AFF1: variants seen among roughly 807,000 people sequenced by gnomAD.
The protein encoded by AFF1 is ALF transcription elongation factor 1.
AFF1 carries 48 observed loss-of-function variants against 121.7 expected under a neutral mutation model. The observed-to-expected ratio is 0.39, with a 90% CI of 0.31 to 0.50. The LOEUF is 0.50. Among genes scored for constraint, AFF1 ranks in the 20% least tolerant of loss-of-function variants. The pLI is 0.76. For missense variants in AFF1, 1,523 were observed against 1,511.7 expected (o/e 1.01, Z -0.12); for synonymous variants, 613 against 563.0 (o/e 1.09, Z -1.26).
At chr4:87,052,104 A>G (rs1381572616) in intron 4 of AFF1, among the ~76,000 whole-genome samples, 1 of 152,152 alleles carries the variant, frequency 6.6e-6, no homozygotes. Context: ...TTTCAGGCAG[A>G]GGAAACAAGT....
intron 7 of AFF1, among the ~76,000 whole-genome samples, chr4:87,094,369 C>G (rs921803199): frequency 6.6e-6 from 1 of 152,192 alleles, no homozygotes; most frequent in Admixed American, 6.5e-5. Flanking sequence ...TCATGTCCCT[C>G]AGTCAACAGT....
intron 2 of AFF1, among the ~76,000 whole-genome samples, chr4:86,990,166 T>A (rs572295747): frequency 5.8e-4 from 86 of 148,228 alleles, no homozygotes; most frequent in East Asian, 4.6e-3. Flanking sequence ...GAACTTAAAT[T>A]ATAATAATAA....
At chr4:87,062,028 ATTAAC>A (rs1560587295) in intron 4 of AFF1, among the ~76,000 whole-genome samples, 1 of 152,190 alleles carries the variant, frequency 6.6e-6, no homozygotes, top group Non-Finnish European at 1.5e-5. Context: ...GGTTAGTCTA[ATTAAC>A]TTTTTTCTTT....
At position 87,107,346 on chromosome 4, in the gene AFF1, A is replaced by AT. The variant is rs554015546; in HGVS notation, c.1377-811dup. On this transcript the variant is annotated intron_variant, in intron 10 of 20. Transcript: ENST00000395146. ...GCTTTAAGATTATATATGCTTTGAA[A>AT]TTATATATGTGTCTAGCAGTGTGAT... 3.9e-3 allele frequency among the ~76,000 whole-genome samples: 600 copies of AT among 152,356 alleles called. 8 individuals carry two copies. Among genetic ancestry groups the AT allele is most frequent in the African/African-American group, 0.014 (570 of 41,592 alleles).
intron 2 of AFF1, among the ~76,000 whole-genome samples, chr4:86,994,816 G>A (rs1271504968): frequency 6.6e-6 from 1 of 152,160 alleles, no homozygotes; most frequent in South Asian, 2.1e-4. Flanking sequence ...TGCAAAGGTT[G>A]GTGGCATTAG....
In AFF1 at chr4:86,986,472, C is replaced by G. The variant is rs376532731; in HGVS notation, c.38+37901C>G. ...ATAGACTAACCACCTATGAAATAGT[C>G]TTTCCAAAAATTTAGACAGAAATCT... is the stretch of plus-strand genomic sequence containing the variant. On this transcript the variant is annotated intron_variant, in intron 2 of 20. Transcript: ENST00000395146. 1.7e-3 allele frequency among the ~76,000 whole-genome samples: 260 copies of G among 152,280 alleles called. 2 individuals are homozygous for G. In the South Asian group the frequency reaches 0.026, roughly 15 times the overall value.
intron 2 of AFF1, among the ~76,000 whole-genome samples, chr4:86,967,897 C>T (rs962731227): frequency 6.6e-6 from 1 of 152,132 alleles, no homozygotes; most frequent in African/African-American, 2.4e-5. Flanking sequence ...GCTTAAGACA[C>T]AATTTATTCA....
At chr4:86,969,920 T>C (rs1578868344) in intron 2 of AFF1, among the ~76,000 whole-genome samples, 1 of 139,230 alleles carries the variant, frequency 7.2e-6, no homozygotes, top group East Asian at 2.1e-4. Flanking sequence ...TATATGTGCA[T>C]CAAGATTGCA....
intron 2 of AFF1, among the ~76,000 whole-genome samples, chr4:86,978,177 C>CTTTTTATTTTTTTTTTTTTTTT (rs1723452315): frequency 2.5e-5 from 1 of 39,324 alleles, no homozygotes; most frequent in Non-Finnish European, 4.6e-5. Flanking sequence ...ATTACATTCA[C>CTTTTTATTTTTTTTTTTTTTTT]TTTTTTTTTT....
At chr4:86,935,425 C>G (rs912389454) in intron 1 of AFF1, 185 bp downstream of exon 1, 1 of 152,342 alleles carries the variant, frequency 6.6e-6, no homozygotes, top group Non-Finnish European at 1.5e-5. Context: ...GGCTAGGGCT[C>G]AGAGCTCTCA....
chr4:87,015,778 A>C (rs1560541053), intron 2 of AFF1, among the ~76,000 whole-genome samples: 1 of 152,240 alleles, frequency 6.6e-6, no homozygotes, highest in Non-Finnish European at 1.5e-5. Flanking sequence ...AAAATTCTTG[A>C]CAGTTTATGA....
At chr4:87,032,569 C>T (rs1729181413) in intron 2 of AFF1, among the ~76,000 whole-genome samples, 2 of 152,210 alleles carry the variant, frequency 1.3e-5, no homozygotes, top group South Asian at 4.2e-4. Context: ...CTTTGTAGTC[C>T]ATGTGTTGTT....
At chr4:87,132,246 G>A in intron 18 of AFF1, 25 bp from the exon 19 acceptor site, 1 of 1,604,068 alleles carries the variant, frequency 6.2e-7, no homozygotes. Flanking sequence ...GTCACGTGCA[G>A]TTTCACTTCT....
At chr4:87,091,673 T>G (rs1724326068) in intron 6 of AFF1, 120 bp from the exon 7 acceptor site, 1 of 676,092 alleles carries the variant, frequency 1.5e-6, no homozygotes, top group African/African-American at 1.9e-5. Flanking sequence ...TGTTTCCATT[T>G]TTCTAGATAT....
At chr4:86,970,570 A>T (rs1035969669) in intron 2 of AFF1, among the ~76,000 whole-genome samples, 11 of 152,214 alleles carry the variant, frequency 7.2e-5, no homozygotes, top group African/African-American at 2.7e-4. Context: ...GCTTTCCTGG[A>T]GTTTCCATCC....
At chr4:87,065,577 A>T (rs1418569926) in intron 4 of AFF1, among the ~76,000 whole-genome samples, 1 of 152,152 alleles carries the variant, frequency 6.6e-6, no homozygotes, top group Non-Finnish European at 1.5e-5. Context: ...ATTATGACGC[A>T]GTGCCGCTAT....
intron 2 of AFF1, among the ~76,000 whole-genome samples, chr4:86,954,652 C>CT (rs1721613240): frequency 6.6e-6 from 1 of 152,150 alleles, no homozygotes; most frequent in African/African-American, 2.4e-5. Flanking sequence ...TTGCTTGAGC[C>CT]TGGAAGGTCA....
chr4:87,131,177 A>C lies in AFF1; in HGVS notation c.3059A>C (p.Lys1020Thr), dbSNP rs1274352311. The change falls in exon 17 of 21, where the codon AAG becomes ACG. Residue 1020 changes from lysine (K) to threonine (T), a missense_variant. Physicochemically the swap from Lys to Thr is moderately conservative, Grantham distance 78. This residue lies in a region of AFF1 where 241 missense variants were observed against 265.2 expected (regional missense o/e 0.91). Transcript: ENST00000395146. Reference sequence around the variant, plus strand: ...ACAGAGTCTGAAAGCCAGTCATCCAAGTCAGCTTACTCTGTCTACTCAGAA... The same window carrying C: ...ACAGAGTCTGAAAGCCAGTCATCCACGTCAGCTTACTCTGTCTACTCAGAA... Reference protein sequence around the residue: ...IATESESQSSKSAYSVYSETV... With the variant: ...IATESESQSSTSAYSVYSETV... 3 of 1,614,112 alleles carry C rather than the reference A, an allele frequency of 1.9e-6. No homozygotes were observed. Among genetic ancestry groups the C allele is most frequent in the African/African-American group, 2.7e-5 (2 of 74,932 alleles).
intron 4 of AFF1, among the ~76,000 whole-genome samples, chr4:87,069,430 T>C (rs2149673211): frequency 7.0e-6 from 1 of 142,828 alleles, no homozygotes; most frequent in South Asian, 2.5e-4. Flanking sequence ...CCTCTCCCCT[T>C]CTCCCTCTCT....
Sources: gnomAD v4.1 joint callset for allele counts (sites outside exome capture counted in the v4.1 genomes callset) on GRCh38, gnomAD v4.1.1 for gene constraint, gnomAD v4.1.1 regional missense constraint, MANE v1.5 for transcripts, NCBI Gene and HGNC (gene_info 2026-07-23, HGNC 2026-07-21) for gene names.